Variants in CYP7B1 observed in about 807,000 individuals in gnomAD.
CYP7B1 encodes cytochrome P450 7B1.
A neutral mutation model predicts 42.7 loss-of-function variants in CYP7B1; 29 were observed. That is an observed-to-expected ratio of 0.68 (90% CI 0.51 to 0.93). CYP7B1 has a LOEUF of 0.93. Ranked by LOEUF, CYP7B1 falls within the 40% of genes least tolerant of loss-of-function variation. The pLI is 0.00. For synonymous variants in CYP7B1, 235 were observed against 218.2 expected (o/e 1.08, Z -0.68); for missense variants, 655 against 600.5 (o/e 1.09, Z -0.95).
intron 1 of CYP7B1, among the ~76,000 whole-genome samples, chr8:64,774,539 C>T (rs911938126): frequency 6.6e-6 from 1 of 151,858 alleles, no homozygotes. Context: ...TAAAAAAAAA[C>T]TACATATAAA....
At chr8:64,780,459 G>C (rs751584194) in intron 1 of CYP7B1, among the ~76,000 whole-genome samples, 2 of 151,924 alleles carry the variant, frequency 1.3e-5, no homozygotes, top group Admixed American at 1.3e-4. Flanking sequence ...ACTTTTGTTA[G>C]GCTTTCTATT....
At chr8:64,658,179 C>T (rs1208703725) in intron 1 of CYP7B1, among the ~76,000 whole-genome samples, 5 of 152,156 alleles carry the variant, frequency 3.3e-5, no homozygotes, top group East Asian at 1.9e-4. Flanking sequence ...TTTCAAGATA[C>T]GAATTTAGGG....
intron 1 of CYP7B1, among the ~76,000 whole-genome samples, chr8:64,660,986 C>A (rs767983587): frequency 6.6e-6 from 1 of 152,194 alleles, no homozygotes; most frequent in South Asian, 2.1e-4. Context: ...CAAAACTAAT[C>A]ACTGAGGATT....
chr8:64,771,410 G>A (rs1239069820), intron 1 of CYP7B1, among the ~76,000 whole-genome samples: 2 of 151,726 alleles, frequency 1.3e-5, no homozygotes, highest in South Asian at 4.2e-4. Flanking sequence ...GATACACTGT[G>A]AACATTGAGT....
intron 1 of CYP7B1, among the ~76,000 whole-genome samples, chr8:64,738,260 T>C (rs1346135796): frequency 6.6e-6 from 1 of 152,132 alleles, no homozygotes; most frequent in East Asian, 1.9e-4. Flanking sequence ...GGTTTATAGA[T>C]ACCAATAAGC....
intron 1 of CYP7B1, among the ~76,000 whole-genome samples, chr8:64,666,328 C>T (rs1330681686): frequency 6.6e-6 from 1 of 151,880 alleles, no homozygotes. Flanking sequence ...GTGATTCAGA[C>T]AAAATTTCCT....
At chr8:64,767,194 C>T (rs139385731) in intron 1 of CYP7B1, among the ~76,000 whole-genome samples, 408 of 152,314 alleles carry the variant, frequency 2.7e-3, no homozygotes, top group Non-Finnish European at 4.8e-3. Context: ...GCCCATGCAG[C>T]AATATGGAGA....
At chr8:64,732,903 C>CATG (rs1807434610) in intron 1 of CYP7B1, 1 of 152,588 alleles carries the variant, frequency 6.6e-6, no homozygotes, top group African/African-American at 2.4e-5. Context: ...CCCCTTCCAC[C>CATG]ATGATTGTTA....
Position 64,706,276 on chromosome 8 carries a change from C to A in CYP7B1, c.123-81737G>T, listed in dbSNP as rs370141949. Among the ~76,000 whole-genome samples, 10 of 152,100 alleles carry A rather than the reference C, an allele frequency of 6.6e-5. 1 individual carries two copies. The highest frequency in any genetic ancestry group is 2.4e-4 in the African/African-American group (10 of 41,542). ...AAGTTAGAATACATGGTAAAACTGA[C>A]TACTAAGTCCTGAGTAAAGTGTGCC... On this transcript the variant is annotated intron_variant, in intron 1 of 5. Coordinates refer to ENST00000310193, the MANE Select transcript of CYP7B1 (RefSeq NM_004820.5).
At chr8:64,643,567 A>C (rs1805901211) in intron 1 of CYP7B1, among the ~76,000 whole-genome samples, 1 of 152,132 alleles carries the variant, frequency 6.6e-6, no homozygotes, top group Non-Finnish European at 1.5e-5. Context: ...AATTTCTTAA[A>C]ATAAGACAAC....
chr8:64,684,181 G>A (rs1357717956), intron 1 of CYP7B1, among the ~76,000 whole-genome samples: 1 of 152,228 alleles, frequency 6.6e-6, no homozygotes, highest in African/African-American at 2.4e-5. Flanking sequence ...TGAATGCATG[G>A]TTGGGTTTAC....
chr8:64,619,947 C>A (rs1308024034), intron 2 of CYP7B1, among the ~76,000 whole-genome samples: 2 of 151,758 alleles, frequency 1.3e-5, no homozygotes, highest in Non-Finnish European at 2.9e-5. Flanking sequence ...AAAATATAAC[C>A]AAGGCCAGAG....
chr8:64,627,589 G>A (rs1212494210), intron 1 of CYP7B1, among the ~76,000 whole-genome samples: 2 of 152,176 alleles, frequency 1.3e-5, no homozygotes, highest in East Asian at 1.9e-4. Flanking sequence ...TTGGTCAAAA[G>A]CTGTATTCTT....
chr8:64,647,893 T>C (rs1227048694), intron 1 of CYP7B1, among the ~76,000 whole-genome samples: 1 of 152,160 alleles, frequency 6.6e-6, no homozygotes, highest in South Asian at 2.1e-4. Flanking sequence ...CCCAGTCAAG[T>C]TGACACATAA....
In CYP7B1 at chr8:64,594,343, T is replaced by A. The variant is rs890367520; in HGVS notation, c.*2299A>T. On this transcript the variant is annotated 3_prime_UTR_variant, in exon 6 of 6. Coordinates refer to ENST00000310193, the MANE Select transcript of CYP7B1 (RefSeq NM_004820.5). ...GCAGTTAGAAGCAATAGATTAAATA[T>A]AGTAGTATACTATGTATATACTACA... Among the ~76,000 whole-genome samples, 2 of 152,170 alleles carry A rather than the reference T, an allele frequency of 1.3e-5. No homozygotes were observed. Among genetic ancestry groups the A allele is most frequent in the South Asian group, 2.1e-4 (1 of 4,828 alleles).
In CYP7B1 at chr8:64,609,241, A is replaced by G. The variant is rs139862518; in HGVS notation, c.1058-4384T>C. On this transcript the variant is annotated intron_variant, in intron 4 of 5. Coordinates refer to ENST00000310193, the MANE Select transcript of CYP7B1 (RefSeq NM_004820.5). ...CACACATTCTGGAATGGTTAAGTCCAATAATTAACATATGCAATTACCTCA... is the reference window on the plus strand; with the variant it reads ...CACACATTCTGGAATGGTTAAGTCCGATAATTAACATATGCAATTACCTCA... 7.3e-3 allele frequency among the ~76,000 whole-genome samples: 1,109 copies of G among 152,354 alleles called. 11 individuals carry two copies. The highest frequency in any genetic ancestry group is 9.6e-3 in the Non-Finnish European group (651 of 68,030).
At chr8:64,741,628 C>T (rs1157116673) in intron 1 of CYP7B1, among the ~76,000 whole-genome samples, 1 of 152,082 alleles carries the variant, frequency 6.6e-6, no homozygotes, top group African/African-American at 2.4e-5. Context: ...CCCAAAAATT[C>T]TTAAACAAAT....
intron 1 of CYP7B1, among the ~76,000 whole-genome samples, chr8:64,679,261 T>C (rs2129631899): frequency 6.6e-6 from 1 of 152,288 alleles, no homozygotes; most frequent in South Asian, 2.1e-4. Context: ...GAGACTTCCC[T>C]ATATAACTTA....
At chr8:64,689,230 TACTC>T (rs1485888375) in intron 1 of CYP7B1, among the ~76,000 whole-genome samples, 2 of 152,220 alleles carry the variant, frequency 1.3e-5, no homozygotes, top group South Asian at 2.1e-4. Flanking sequence ...ATTCAGAAAA[TACTC>T]ATAAGTGAGT....
Sources: allele counts gnomAD v4.1 joint callset (sites outside exome capture counted in the v4.1 genomes callset), GRCh38; gene constraint gnomAD v4.1.1; transcripts MANE v1.5; gene names NCBI Gene and HGNC (gene_info 2026-07-23, HGNC 2026-07-21).